MYH7B: variants seen among roughly 807,000 people sequenced by gnomAD.
MYH7B encodes myosin heavy chain 7B, also known as myosin-7B.
In MYH7B, 205 loss-of-function variants were observed where a neutral mutation model predicts 234.5. The observed-to-expected ratio is 0.87, with a 90% CI of 0.78 to 0.98. MYH7B has a LOEUF of 0.98. Ranked by LOEUF, MYH7B falls within the 50% of genes least tolerant of loss-of-function variation. The pLI is 0.00. For missense variants in MYH7B, 2,652 were observed against 2,633.4 expected, an observed-to-expected ratio of 1.01 and a Z score of -0.15; for synonymous variants, 1,193 against 1,105.0, an observed-to-expected ratio of 1.08 and a Z score of -1.58.
chr20:34,962,636 T>C (rs1414327865), intron 2 of MYH7B, among the ~76,000 whole-genome samples: 2 of 152,198 alleles, frequency 1.3e-5, no homozygotes, highest in African/African-American at 4.8e-5. Flanking sequence ...TTTAAATTTA[T>C]TTTTATTTAT....
intron 24 of MYH7B, among the ~76,000 whole-genome samples, chr20:34,991,501 G>A (rs2082150278): frequency 6.6e-6 from 1 of 152,196 alleles, no homozygotes; most frequent in Non-Finnish European, 1.5e-5. Context: ...AAGGGATACT[G>A]GTTTGAGCTC....
chr20:34,984,712 G>C, exon 11 of MYH7B: 1 of 1,602,516 alleles, frequency 6.2e-7, no homozygotes, highest in Non-Finnish European at 8.5e-7. Flanking sequence ...CAACAAAGAC[G>C]GGGGTGAGTA....
intron 9 of MYH7B, among the ~76,000 whole-genome samples, chr20:34,982,220 G>T (rs1041009774): frequency 6.6e-6 from 1 of 152,152 alleles, no homozygotes; most frequent in Non-Finnish European, 1.5e-5. Flanking sequence ...TGAGCCAATG[G>T]AGTAAAGTGC....
chr20:34,960,253 T>G (rs1223638346), intron 2 of MYH7B, among the ~76,000 whole-genome samples: 1 of 152,200 alleles, frequency 6.6e-6, no homozygotes, highest in Admixed American at 6.5e-5. Context: ...TTTGTTTTTT[T>G]GAGATGGAGT....
exon 39 of MYH7B, chr20:35,000,570 C>A: frequency 6.4e-7 from 1 of 1,570,228 alleles, no homozygotes; most frequent in Admixed American, 1.9e-5. Flanking sequence ...CCGGGCCTCG[C>A]TGCTGGCTGC....
At chr20:34,996,312 G>T in intron 28 of MYH7B, 34 bp from the exon 29 acceptor site, 2 of 1,552,896 alleles carry the variant, frequency 1.3e-6, no homozygotes, top group Non-Finnish European at 1.7e-6. Flanking sequence ...GTGCGGGGAA[G>T]GGCGTCCCCA....
At chr20:34,977,738 G>GGGGGGGGGGGGGGGGGGGGGCCCCCCC in intron 4 of MYH7B, 58 bp downstream of exon 4, 1 of 317,154 alleles carries the variant, frequency 3.2e-6, no homozygotes, top group Non-Finnish European at 5.9e-6. Context: ...GGGCGGGTGG[G>GGGGGGGGGGGGGGGGGGGGGCCCCCCC]TGAGGGTGCC....
At chr20:34,965,357 T>A (rs1275467968) in intron 2 of MYH7B, among the ~76,000 whole-genome samples, 3 of 152,220 alleles carry the variant, frequency 2.0e-5, no homozygotes, top group Non-Finnish European at 4.4e-5. Context: ...TGCCCAGGCT[T>A]GGGTGAGAAA....
At position 34,999,367 on chromosome 20, in the gene MYH7B, C is replaced by CCTCCT; in HGVS notation, c.4503_4504insTCCTC (p.Leu1502SerfsTer24). ...CACGGCCACGAGGAGGCACTTGAAG[C>CCTCCT]CCTGGAGACGCTCAAGCGGGAGAAC... On this transcript the variant is annotated frameshift_variant, in exon 36 of 45. Transcript: ENST00000262873. LOFTEE classifies it high-confidence loss of function. 1 of 1,535,734 alleles carries CCTCCT rather than the reference C, an allele frequency of 6.5e-7. No individual in the cohort carries two copies. Among genetic ancestry groups the CCTCCT allele is most frequent in the Non-Finnish European group, 8.8e-7 (1 of 1,140,430 alleles).
chr20:35,001,173 T>C lies in MYH7B; in HGVS notation c.5475+15T>C. The C allele has an allele frequency of 6.2e-7, 1 of 1,611,112 alleles. No individual in the cohort carries two copies. The highest frequency in any genetic ancestry group is 8.5e-7 in the Non-Finnish European group (1 of 1,177,988). Reference sequence around the variant, plus strand: ...TGGAGGCCAAGGTGTGTGCAGCCCCTCTAGTCCTTGGCGCAGGCAGGGTGG... The same window carrying C: ...TGGAGGCCAAGGTGTGTGCAGCCCCCCTAGTCCTTGGCGCAGGCAGGGTGG... On this transcript the variant is annotated intron_variant, in intron 41 of 44. Transcript: ENST00000262873.
At position 34,998,422 on chromosome 20, in the gene MYH7B, G is replaced by T; in HGVS notation, c.3874+1G>T. The T allele has an allele frequency of 4.3e-6, 7 of 1,613,130 alleles. No homozygotes were observed. The highest frequency in any genetic ancestry group is 5.9e-6 in the Non-Finnish European group (7 of 1,179,986). On this transcript the variant is annotated splice_donor_variant, in intron 33 of 44. Coordinates refer to ENST00000262873, the Ensembl canonical transcript of MYH7B. LOFTEE classifies it high-confidence loss of function. ...CGTGGGCGACTACAGACGGAAAGCG[G>T]TGAGGCTGGGGCTCAGCTGGCCACA...
chr20:34,993,222 C>G, exon 25 of MYH7B: 6 of 1,613,950 alleles, frequency 3.7e-6, no homozygotes, highest in Non-Finnish European at 4.2e-6. Context: ...TTGGCCACAC[C>G]AAGGTCGGGG....
rs1569034352 is a variant in MYH7B, at chr20:34,979,371, A to G, written c.92-19A>G. ...TGCCTCAGCCCCTCTCTGAGTCCAG[A>G]GCTCTCTCTGCAACCCAGGGAAGAA... is the stretch of plus-strand genomic sequence containing the variant. On this transcript the variant is annotated intron_variant, in intron 5 of 44. Coordinates refer to ENST00000262873, the Ensembl canonical transcript of MYH7B. The G allele has an allele frequency of 6.3e-7, 1 of 1,597,692 alleles. No homozygotes were observed. The highest frequency in any genetic ancestry group is 2.2e-5 in the East Asian group (1 of 44,698).
At chr20:34,969,149 G>T (rs1305238931) in intron 2 of MYH7B, among the ~76,000 whole-genome samples, 1 of 152,076 alleles carries the variant, frequency 6.6e-6, no homozygotes, top group Non-Finnish European at 1.5e-5. Flanking sequence ...GAGGAAAGAG[G>T]GTACCCCTGG....
At chr20:34,980,541 A>T (rs376895630) in intron 7 of MYH7B, 37 bp from the exon 8 acceptor site, 1 of 1,568,186 alleles carries the variant, frequency 6.4e-7, no homozygotes, top group African/African-American at 1.4e-5. Context: ...CCATCTCAAA[A>T]ACAACAACAT....
At chr20:34,994,457 G>C in intron 27 of MYH7B, 56 bp downstream of exon 27, 4 of 1,514,044 alleles carry the variant, frequency 2.6e-6, no homozygotes, top group Non-Finnish European at 3.5e-6. Context: ...ACCCCTGGCT[G>C]CTCTGAGGGA....
Position 34,997,553 on chromosome 20 carries a change from G to A in MYH7B, c.3660G>A (p.Val1220=), listed in dbSNP as rs565541017. 3.1e-6 allele frequency: 5 copies of A among 1,612,426 alleles called. No individual in the cohort carries two copies. The highest frequency in any genetic ancestry group is 4.2e-6 in the Non-Finnish European group (5 of 1,179,306). ...AGCAGGTGGACAGCCTGCAGCGGGT[G>A]CGGCAGAAGCTGGAGAAGGAGAAGA... The change falls in exon 32 of 45, where the codon GTG becomes GTA. Residue 1220 remains valine (V), a synonymous_variant. Coordinates refer to ENST00000262873, the Ensembl canonical transcript of MYH7B.
intron 38 of MYH7B, 24 bp from the exon 39 acceptor site, chr20:35,000,269 T>C (rs757241219): frequency 2.3e-5 from 35 of 1,545,098 alleles, no homozygotes; most frequent in Non-Finnish European, 2.8e-5. Flanking sequence ...CGAGACCCCC[T>C]TTCATGCCAC....
At chr20:34,967,890 G>A (rs190127260) in intron 2 of MYH7B, among the ~76,000 whole-genome samples, 52 of 152,264 alleles carry the variant, frequency 3.4e-4, no homozygotes, top group African/African-American at 1.3e-3. Flanking sequence ...CAAGATCCTG[G>A]GATTTCACAT....
Sources: allele counts gnomAD v4.1 joint callset (sites outside exome capture counted in the v4.1 genomes callset), GRCh38; gene constraint gnomAD v4.1.1; transcripts MANE v1.5; gene names NCBI Gene and HGNC (gene_info 2026-07-23, HGNC 2026-07-21).